Variants in SV2B observed in about 807,000 individuals in gnomAD.
SV2B encodes synaptic vesicle glycoprotein 2B, also known as solute carrier family 22 member B2.
In SV2B, 41 loss-of-function variants were observed where a neutral mutation model predicts 73.9. That is an observed-to-expected ratio of 0.56 (90% CI 0.43 to 0.72). SV2B has a LOEUF of 0.72. SV2B is among the 30% of genes least tolerant of loss of function. SV2B has a pLI of 0.00. For missense variants in SV2B, 764 were observed against 857.8 expected, an observed-to-expected ratio of 0.89 and a Z score of 1.37; for synonymous variants, 314 against 314.2, an observed-to-expected ratio of 1.00 and a Z score of 0.01.
intron 11 of SV2B, among the ~76,000 whole-genome samples, chr15:91,285,203 T>C (rs1179925794): frequency 2.6e-5 from 4 of 152,228 alleles, no homozygotes; most frequent in African/African-American, 9.6e-5. Flanking sequence ...ATATCACTAT[T>C]ATAAATAGTA....
intron 2 of SV2B, among the ~76,000 whole-genome samples, chr15:91,238,379 T>G (rs1021631034): frequency 2.6e-5 from 4 of 152,176 alleles, no homozygotes; most frequent in Non-Finnish European, 5.9e-5. Flanking sequence ...TCTAAGAGGG[T>G]AAAGTAACTT....
At chr15:91,210,969 C>T (rs886110419) in intron 1 of SV2B, among the ~76,000 whole-genome samples, 1 of 152,172 alleles carries the variant, frequency 6.6e-6, no homozygotes, top group African/African-American at 2.4e-5. Flanking sequence ...GCAGTAGGTG[C>T]CCCTGAAGTG....
intron 1 of SV2B, among the ~76,000 whole-genome samples, chr15:91,200,456 G>A (rs912443441): frequency 2.6e-5 from 4 of 152,186 alleles, no homozygotes; most frequent in East Asian, 1.9e-4. Context: ...CTAGAGGGGT[G>A]TCCACTGGGG....
At chr15:91,186,404 C>T (rs1398637846) in intron 1 of SV2B, among the ~76,000 whole-genome samples, 3 of 152,140 alleles carry the variant, frequency 2.0e-5, no homozygotes, top group South Asian at 2.1e-4. Context: ...AAGCATTATA[C>T]ATGGAGTGAG....
chr15:91,258,330 C>T lies in SV2B; in HGVS notation c.785-91C>T. On this transcript the variant is annotated intron_variant, in intron 4 of 12. Coordinates refer to ENST00000394232, the MANE Select transcript of SV2B (RefSeq NM_001323032.3). This position sits in a 1 kb window ranked among gnomAD's most constrained non-coding sequence, Gnocchi z 4.7. Reference sequence around the variant, plus strand: ...CCTCCCCGGGTGACTCTCTTGTGCCCTGAAGTTTGTGAGCCAGGGCTTCAG... The same window carrying T: ...CCTCCCCGGGTGACTCTCTTGTGCCTTGAAGTTTGTGAGCCAGGGCTTCAG... 6.4e-7 allele frequency: 1 copy of T among 1,553,980 alleles called. No individual in the cohort carries two copies. Among genetic ancestry groups the T allele is most frequent in the Non-Finnish European group, 8.7e-7 (1 of 1,149,086 alleles).
intron 1 of SV2B, among the ~76,000 whole-genome samples, chr15:91,107,297 G>GTTTGCTTATTTA: frequency 6.9e-6 from 1 of 145,842 alleles, no homozygotes; most frequent in African/African-American, 2.6e-5. Flanking sequence ...TTATTTGTTT[G>GTTTGCTTATTTA]TTTATTTATT....
At chr15:91,182,150 A>G (rs2044604642) in intron 1 of SV2B, among the ~76,000 whole-genome samples, 1 of 152,188 alleles carries the variant, frequency 6.6e-6, no homozygotes, top group Admixed American at 6.5e-5. Flanking sequence ...AGTAGGAGAG[A>G]CAAGGCTTAT....
At chr15:91,169,975 T>C (rs935819251) in intron 1 of SV2B, among the ~76,000 whole-genome samples, 2 of 152,240 alleles carry the variant, frequency 1.3e-5, no homozygotes, top group African/African-American at 4.8e-5. Context: ...GAGAATCAAT[T>C]ACTTTCCGAT....
intron 1 of SV2B, among the ~76,000 whole-genome samples, chr15:91,101,491 A>C (rs923965527): frequency 6.6e-5 from 10 of 152,278 alleles, no homozygotes; most frequent in Admixed American, 1.3e-4. Context: ...GATGATAACA[A>C]TGTCCTGGCT....
At chr15:91,211,827 T>C (rs2045880267) in intron 1 of SV2B, among the ~76,000 whole-genome samples, 2 of 138,782 alleles carry the variant, frequency 1.4e-5, no homozygotes, top group South Asian at 4.7e-4. Context: ...TTTTTTTGAG[T>C]TGGAGGTCTC....
chr15:91,191,063 C>CTTTTTTTGTTTTTTTTT (rs2044996471), intron 1 of SV2B, among the ~76,000 whole-genome samples: 1 of 64,238 alleles, frequency 1.6e-5, no homozygotes, highest in Non-Finnish European at 3.1e-5. Flanking sequence ...TTTGGTGTTT[C>CTTTTTTTGTTTTTTTTT]TTTTTTTTTT....
At position 91,140,072 on chromosome 15, in the gene SV2B, C is replaced by T. The variant is rs2042955835; in HGVS notation, c.-392+39709C>T. Among the ~76,000 whole-genome samples the T allele has an allele frequency of 6.6e-6, 1 of 152,198 alleles. No homozygotes were observed. The highest frequency in any genetic ancestry group is 1.5e-5 in the Non-Finnish European group (1 of 68,038). Reference sequence around the variant, plus strand: ...GCAGGCTCTTGGGTCCTGACCCAGACATAATAAATCAGAAACTCAGAGGAT... The same window carrying T: ...GCAGGCTCTTGGGTCCTGACCCAGATATAATAAATCAGAAACTCAGAGGAT... On this transcript the variant is annotated intron_variant, in intron 1 of 12. Coordinates refer to ENST00000394232, the MANE Select transcript of SV2B (RefSeq NM_001323032.3). The surrounding 1 kb of genome is among the most constrained non-coding windows in gnomAD (Gnocchi z 4.4).
At chr15:91,162,277 A>G (rs2043748666) in intron 1 of SV2B, among the ~76,000 whole-genome samples, 1 of 152,204 alleles carries the variant, frequency 6.6e-6, no homozygotes, top group Non-Finnish European at 1.5e-5. Flanking sequence ...AGATACAGTA[A>G]GGCAATTGCA....
chr15:91,166,366 ATATAAT>A (rs1455777213), intron 1 of SV2B, among the ~76,000 whole-genome samples: 4 of 151,998 alleles, frequency 2.6e-5, no homozygotes, highest in South Asian at 2.1e-4. Flanking sequence ...AATATTTTAA[ATATAAT>A]TATATATATC....
At chr15:91,266,239 GC>G (rs761008436) in intron 6 of SV2B, among the ~76,000 whole-genome samples, 26 of 152,142 alleles carry the variant, frequency 1.7e-4, no homozygotes, top group Non-Finnish European at 2.9e-4. Flanking sequence ...CTTAGACCTA[GC>G]CCTCGGGAAA....
rs373971213 is a variant in SV2B at position 91,140,559 on chromosome 15, T to C, written c.-392+40196T>C. On this transcript the variant is annotated intron_variant, in intron 1 of 12. Transcript: ENST00000394232. The surrounding 1 kb of genome is among the most constrained non-coding windows in gnomAD (Gnocchi z 4.4). ...AGTTAGCACTAGCTCATTCATTAGG[T>C]CTGCTTCCATTTAACCCGAGGCCTG... Among the ~76,000 whole-genome samples the C allele has an allele frequency of 9.0e-4, 137 of 152,266 alleles. No individual in the cohort carries two copies. The highest frequency in any genetic ancestry group is 3.1e-3 in the African/African-American group (128 of 41,550).
rs201186113 is a variant in SV2B at position 91,114,719 on chromosome 15, C to T, written c.-392+14356C>T. Among the ~76,000 whole-genome samples, 3 of 152,152 alleles carry T rather than the reference C, an allele frequency of 2.0e-5. No homozygotes were observed. The East Asian group carries it at 5.8e-4, about 29-fold the overall frequency. ...CCAGCCTAGAGTTCTCCTCTGTGCT[C>T]TGTGCTAGGCTCCAGGGAAAGCTTC... On this transcript the variant is annotated intron_variant, in intron 1 of 12. Transcript: ENST00000394232.
intron 9 of SV2B, among the ~76,000 whole-genome samples, chr15:91,274,991 T>G (rs971796044): frequency 6.6e-6 from 1 of 152,102 alleles, no homozygotes; most frequent in Non-Finnish European, 1.5e-5. Context: ...CTTTTTCCAT[T>G]TTTTTGCTTT....
At position 91,258,635 on chromosome 15, in the gene SV2B, A is replaced by G. The variant is rs1225090367; in HGVS notation, c.918+81A>G. Reference sequence around the variant, plus strand: ...GCCTCGCTTCCTTCTCTCAGCTCCTAGTCCCACATCCTCTGCTGCTTATGT... The same window carrying G: ...GCCTCGCTTCCTTCTCTCAGCTCCTGGTCCCACATCCTCTGCTGCTTATGT... On this transcript the variant is annotated intron_variant, in intron 5 of 12. Coordinates refer to ENST00000394232, the MANE Select transcript of SV2B (RefSeq NM_001323032.3). The surrounding 1 kb of genome is among the most constrained non-coding windows in gnomAD (Gnocchi z 4.7). The G allele has an allele frequency of 1.9e-6, 3 of 1,590,726 alleles. No homozygotes were observed. Among genetic ancestry groups the G allele is most frequent in the Non-Finnish European group, 2.6e-6 (3 of 1,167,518 alleles).
Sources: allele counts gnomAD v4.1 joint callset (sites outside exome capture counted in the v4.1 genomes callset), GRCh38; gene constraint gnomAD v4.1.1; non-coding constraint Gnocchi (gnomAD v3.1); transcripts MANE v1.5; gene names NCBI Gene and HGNC (gene_info 2026-07-23, HGNC 2026-07-21).